DTWD2: variants seen among roughly 807,000 people sequenced by gnomAD.
DTWD2 encodes tRNA-uridine aminocarboxypropyltransferase 2.
In DTWD2, 39 loss-of-function variants were observed where a neutral mutation model predicts 31.8. The observed-to-expected ratio is 1.22, with a 90% CI of 0.95 to 1.60. The LOEUF is 1.60. DTWD2 is among the 40% of genes most tolerant of loss of function. The pLI is 0.00. For missense variants in DTWD2, 515 were observed against 381.5 expected (o/e 1.35, Z -2.92); for synonymous variants, 180 against 142.8 (o/e 1.26, Z -1.86).
chr5:118,960,202 C>T (rs1754675700), intron 1 of DTWD2, among the ~76,000 whole-genome samples: 1 of 152,032 alleles, frequency 6.6e-6, no homozygotes, highest in Non-Finnish European at 1.5e-5. Context: ...TGACAAAGGT[C>T]TAATATTCAG....
chr5:118,886,737 C>A (rs150664006), intron 4 of DTWD2, among the ~76,000 whole-genome samples: 12 of 152,208 alleles, frequency 7.9e-5, no homozygotes, highest in African/African-American at 2.9e-4. Flanking sequence ...GCTTAAAAAG[C>A]TGAATGTTTC....
chr5:118,870,872 G>A (rs1319155615), intron 4 of DTWD2, among the ~76,000 whole-genome samples: 1 of 151,098 alleles, frequency 6.6e-6, no homozygotes, highest in Non-Finnish European at 1.5e-5. Flanking sequence ...TTTCAAAACT[G>A]GAGTCAATCC....
At chr5:118,938,834 A>C (rs1412577404) in intron 3 of DTWD2, among the ~76,000 whole-genome samples, 3 of 149,278 alleles carry the variant, frequency 2.0e-5, no homozygotes, top group Non-Finnish European at 4.4e-5. Context: ...AAAGTTGTGG[A>C]AGATATTTAA....
intron 1 of DTWD2, among the ~76,000 whole-genome samples, chr5:118,954,781 A>G (rs1318645438): frequency 6.6e-6 from 1 of 152,124 alleles, no homozygotes; most frequent in Non-Finnish European, 1.5e-5. Flanking sequence ...TCGGCCTCCC[A>G]AAGTGCTGAA....
At chr5:118,841,835 C>G (rs1008748301) in intron 5 of DTWD2, among the ~76,000 whole-genome samples, 2 of 151,812 alleles carry the variant, frequency 1.3e-5, no homozygotes, top group Non-Finnish European at 2.9e-5. Context: ...AGATTCCTTC[C>G]TTGGGCCTGA....
At chr5:118,913,351 C>G (rs981711096) in intron 4 of DTWD2, among the ~76,000 whole-genome samples, 8 of 150,064 alleles carry the variant, frequency 5.3e-5, no homozygotes, top group African/African-American at 9.8e-5. Flanking sequence ...TTGGTATACT[C>G]TGCAAATTTT....
At chr5:118,871,111 G>A (rs1392917416) in intron 4 of DTWD2, among the ~76,000 whole-genome samples, 2 of 152,046 alleles carry the variant, frequency 1.3e-5, no homozygotes, top group African/African-American at 4.8e-5. Flanking sequence ...AAGAAACTAT[G>A]TTCTTTGCTC....
chr5:118,872,946 G>C (rs980041548), intron 4 of DTWD2, among the ~76,000 whole-genome samples: 3 of 152,138 alleles, frequency 2.0e-5, no homozygotes, highest in African/African-American at 7.2e-5. Context: ...AGTGAATGGA[G>C]GGAAGACACA....
intron 4 of DTWD2, among the ~76,000 whole-genome samples, chr5:118,883,968 T>C (rs1370789047): frequency 6.6e-6 from 1 of 152,162 alleles, no homozygotes; most frequent in Non-Finnish European, 1.5e-5. Flanking sequence ...AGAGACAGAA[T>C]AGTGTAGTTC....
At chr5:118,870,707 T>A (rs1361240341) in intron 4 of DTWD2, among the ~76,000 whole-genome samples, 1 of 152,054 alleles carries the variant, frequency 6.6e-6, no homozygotes, top group Non-Finnish European at 1.5e-5. Context: ...TTGCTAAAGG[T>A]TGGGTAGGCT....
intron 4 of DTWD2, among the ~76,000 whole-genome samples, chr5:118,894,217 G>T (rs576505905): frequency 2.0e-5 from 3 of 151,976 alleles, no homozygotes; most frequent in African/African-American, 7.3e-5. Flanking sequence ...ATAGAAGAGC[G>T]ACCCTTCTAA....
At chr5:118,915,130 T>C (rs1282880793) in intron 4 of DTWD2, among the ~76,000 whole-genome samples, 1 of 151,896 alleles carries the variant, frequency 6.6e-6, no homozygotes, top group Non-Finnish European at 1.5e-5. Flanking sequence ...GGCATGAGAA[T>C]CACTTGAACC....
chr5:118,861,868 G>T (rs948668823), intron 4 of DTWD2, among the ~76,000 whole-genome samples: 1 of 152,210 alleles, frequency 6.6e-6, no homozygotes. Context: ...GCTGAGGGAG[G>T]TAACATTTGA....
intron 4 of DTWD2, among the ~76,000 whole-genome samples, chr5:118,897,284 A>C (rs1249776271): frequency 6.6e-6 from 1 of 152,248 alleles, no homozygotes; most frequent in Admixed American, 6.5e-5. Flanking sequence ...TAAATCTTCC[A>C]GTACTGAATT....
At chr5:118,949,145 G>C (rs1174964774) in intron 1 of DTWD2, among the ~76,000 whole-genome samples, 1 of 152,176 alleles carries the variant, frequency 6.6e-6, no homozygotes, top group Non-Finnish European at 1.5e-5. Context: ...ATTTGTAGGA[G>C]GGGCTATAAA....
chr5:118,837,028 T>C lies in DTWD2; in HGVS notation c.*3889A>G, dbSNP rs936066658. Among the ~76,000 whole-genome samples, 3 of 152,324 alleles carry C rather than the reference T, an allele frequency of 2.0e-5. No homozygotes were observed. Among genetic ancestry groups the C allele is most frequent in the African/African-American group, 7.2e-5 (3 of 41,570 alleles). On this transcript the variant is annotated 3_prime_UTR_variant, in exon 6 of 6. Coordinates refer to ENST00000510708, the MANE Select transcript of DTWD2 (RefSeq NM_173666.4). ...TAAAATTGTAAACTGTTAAGACCAC[T>C]ACAGTATCTTTTGTTTAAAAACATG...
At chr5:118,841,124 G>A (rs1279361341) in intron 5 of DTWD2, 37 bp from the exon 6 acceptor site, 3 of 1,565,398 alleles carry the variant, frequency 1.9e-6, no homozygotes, top group African/African-American at 1.4e-5. Flanking sequence ...AAGTATCTGT[G>A]ACAAATCATG....
intron 4 of DTWD2, among the ~76,000 whole-genome samples, chr5:118,906,086 T>C (rs1240571885): frequency 6.6e-6 from 1 of 152,114 alleles, no homozygotes; most frequent in Non-Finnish European, 1.5e-5. Flanking sequence ...AATAAGCACA[T>C]GAAAAGATGT....
intron 1 of DTWD2, among the ~76,000 whole-genome samples, chr5:118,984,861 A>G (rs1755388666): frequency 6.6e-6 from 1 of 152,188 alleles, no homozygotes; most frequent in Non-Finnish European, 1.5e-5. Context: ...GATGCCTAAA[A>G]TATTTCTGGA....
Sources: allele counts gnomAD v4.1 joint callset (sites outside exome capture counted in the v4.1 genomes callset), GRCh38; gene constraint gnomAD v4.1.1; transcripts MANE v1.5; gene names NCBI Gene and HGNC (gene_info 2026-07-23, HGNC 2026-07-21).